NCAM2: variants seen among roughly 807,000 people sequenced by gnomAD.
NCAM2 encodes N-CAM-2.
Under a neutral mutation model 98.1 loss-of-function variants are expected in NCAM2, and 30 were observed. The ratio of observed to expected loss-of-function variants is 0.31; its 90% CI spans 0.23 to 0.41. NCAM2 has a LOEUF of 0.41. Among genes scored for constraint, NCAM2 ranks in the 10% least tolerant of loss-of-function variants. The pLI, the probability that NCAM2 is intolerant of heterozygous loss-of-function variation, is 1.00. For missense variants in NCAM2, 867 were observed against 1,005.8 expected (o/e 0.86, Z 1.87); for synonymous variants, 368 against 342.4 (o/e 1.07, Z -0.83).
chr21:21,542,999 A>C lies in NCAM2; in HGVS notation c.*5042A>C, dbSNP rs551656232. 8.7e-6 allele frequency: 1 copy of C among 115,026 alleles called. No homozygotes were observed. The highest frequency in any genetic ancestry group is 2.1e-4 in the East Asian group (1 of 4,698). The allele number at this position is 115,026 out of a possible 1,614,324, so 7.1% of individuals were successfully genotyped here. On this transcript the variant is annotated 3_prime_UTR_variant, in exon 18 of 18. Transcript: ENST00000400546. ...CCTGTTAGAAATATGTGAAGTTAGA[A>C]ATAAAGGTTTTTTTAAAAAAAAAGC...
At chr21:21,022,113 T>C (rs1056969617) in intron 1 of NCAM2, among the ~76,000 whole-genome samples, 2 of 152,080 alleles carry the variant, frequency 1.3e-5, no homozygotes, top group East Asian at 1.9e-4. Flanking sequence ...TCATAGAATG[T>C]AGTCTTGAAA....
intron 6 of NCAM2, 75 bp downstream of exon 6, chr21:21,324,575 A>T: frequency 9.6e-7 from 1 of 1,044,080 alleles, no homozygotes; most frequent in Non-Finnish European, 1.4e-6. Context: ...GATCTTAATC[A>T]TTTTGGTAAA....
At chr21:21,132,400 T>TTC (rs1050550909) in intron 1 of NCAM2, among the ~76,000 whole-genome samples, 11 of 151,826 alleles carry the variant, frequency 7.2e-5, no homozygotes, top group South Asian at 2.1e-4. Flanking sequence ...AAGTCTTTTT[T>TTC]TTTTCATATA....
chr21:21,379,909 G>C (rs988237338), intron 9 of NCAM2, among the ~76,000 whole-genome samples: 72 of 152,070 alleles, frequency 4.7e-4, no homozygotes, highest in African/African-American at 1.7e-3. Flanking sequence ...AAGAAACCCA[G>C]TCCGAGTCCC....
intron 12 of NCAM2, among the ~76,000 whole-genome samples, chr21:21,455,748 C>G (rs1402842570): frequency 6.6e-6 from 1 of 151,702 alleles, no homozygotes; most frequent in Non-Finnish European, 1.5e-5. Context: ...AAATAAATAA[C>G]TTGAAAATGA....
chr21:21,134,721 T>G (rs976961570), intron 1 of NCAM2, among the ~76,000 whole-genome samples: 1 of 151,428 alleles, frequency 6.6e-6, no homozygotes, highest in African/African-American at 2.4e-5. Flanking sequence ...TTTTTTTTTT[T>G]TTTTCCTGAG....
rs1198049600 is a variant in NCAM2, at chr21:21,050,243, G to A, written c.55+51625G>A. On this transcript the variant is annotated intron_variant, in intron 1 of 17. Transcript: ENST00000400546. ...TTGTACCAGACCTAAAAAAGTGAAA[G>A]GATTAACTTTCTTAAGGATGCACTG... 3.3e-5 allele frequency among the ~76,000 whole-genome samples: 5 copies of A among 152,096 alleles called. No individual in the cohort carries two copies. In the South Asian group the frequency reaches 1.0e-3, roughly 32 times the overall value.
intron 1 of NCAM2, among the ~76,000 whole-genome samples, chr21:21,159,461 C>T (rs1440204658): frequency 1.3e-5 from 2 of 152,126 alleles, no homozygotes; most frequent in Non-Finnish European, 2.9e-5. Flanking sequence ...TAATTGGCCT[C>T]TTCAGGTGTT....
chr21:21,248,505 A>G (rs1010466282), intron 1 of NCAM2, among the ~76,000 whole-genome samples: 16 of 152,186 alleles, frequency 1.1e-4, no homozygotes, highest in African/African-American at 3.9e-4. Flanking sequence ...ATTAAGATTT[A>G]TGAATTTCTG....
chr21:21,448,867 C>T (rs981713310), intron 12 of NCAM2, among the ~76,000 whole-genome samples: 7 of 152,006 alleles, frequency 4.6e-5, no homozygotes, highest in African/African-American at 1.7e-4. Flanking sequence ...GGAAAGGTTT[C>T]TGTATGTTAA....
chr21:21,209,168 G>A (rs758278947), intron 1 of NCAM2, among the ~76,000 whole-genome samples: 22 of 152,046 alleles, frequency 1.4e-4, no homozygotes, highest in Non-Finnish European at 2.6e-4. Context: ...CTAGGCCAGG[G>A]TCAGGAATTT....
At chr21:21,481,100 G>C (rs1465449920) in intron 15 of NCAM2, among the ~76,000 whole-genome samples, 1 of 152,188 alleles carries the variant, frequency 6.6e-6, no homozygotes, top group Non-Finnish European at 1.5e-5. Context: ...ACCCGTCTAA[G>C]CAATGCCTAA....
intron 15 of NCAM2, among the ~76,000 whole-genome samples, chr21:21,481,981 C>T (rs1037026146): frequency 3.3e-5 from 5 of 151,942 alleles, no homozygotes; most frequent in African/African-American, 1.2e-4. Context: ...GCCTGTAATC[C>T]CAGCTACTCA....
At chr21:21,184,822 A>G (rs1252769732) in intron 1 of NCAM2, among the ~76,000 whole-genome samples, 3 of 152,152 alleles carry the variant, frequency 2.0e-5, no homozygotes. Flanking sequence ...TATTTCTAGG[A>G]AGAGAAAATG....
At chr21:21,487,349 A>C (rs1441039312) in intron 15 of NCAM2, among the ~76,000 whole-genome samples, 1 of 152,118 alleles carries the variant, frequency 6.6e-6, no homozygotes. Flanking sequence ...AAGACATAAA[A>C]ATTTAAACTT....
chr21:21,442,976 T>C (rs1979526628), intron 12 of NCAM2, among the ~76,000 whole-genome samples: 2 of 152,202 alleles, frequency 1.3e-5, no homozygotes, highest in Admixed American at 6.6e-5. Context: ...ACTTTAACTA[T>C]ACAAAAATTT....
At chr21:21,117,228 C>A (rs1310361276) in intron 1 of NCAM2, among the ~76,000 whole-genome samples, 2 of 152,132 alleles carry the variant, frequency 1.3e-5, no homozygotes, top group Non-Finnish European at 2.9e-5. Context: ...CCCTCATGCT[C>A]ACAGCTTGGC....
At chr21:21,047,497 C>T (rs2065026021) in intron 1 of NCAM2, among the ~76,000 whole-genome samples, 1 of 151,876 alleles carries the variant, frequency 6.6e-6, no homozygotes, top group Non-Finnish European at 1.5e-5. Flanking sequence ...AAAAGAAAAA[C>T]AAGAAAGTAT....
At chr21:21,324,525 T>G in intron 6 of NCAM2, 25 bp downstream of exon 6, 1 of 1,471,816 alleles carries the variant, frequency 6.8e-7, no homozygotes, top group Non-Finnish European at 9.5e-7. Flanking sequence ...CCCCTCCCTC[T>G]GGCTTGTGTC....
Sources: allele counts gnomAD v4.1 joint callset (sites outside exome capture counted in the v4.1 genomes callset), GRCh38; gene constraint gnomAD v4.1.1; transcripts MANE v1.5; gene names NCBI Gene and HGNC (gene_info 2026-07-23, HGNC 2026-07-21).